Variants in PREX1 observed in about 807,000 individuals in gnomAD.
PREX1 encodes phosphatidylinositol-3,4,5-trisphosphate dependent Rac exchange factor 1.
PREX1 carries 41 observed loss-of-function variants against 198.3 expected under a neutral mutation model. That is an observed-to-expected ratio of 0.21 (90% confidence interval 0.16 to 0.27). PREX1 has a LOEUF of 0.27. Ranked by LOEUF, PREX1 falls within the 10% of genes least tolerant of loss-of-function variation. The probability of loss-of-function intolerance (pLI) is 1.00; values close to 1 mark genes in which losing one functional copy is unlikely to be tolerated. For synonymous variants in PREX1, 843 were observed against 887.2 expected, an observed-to-expected ratio of 0.95 and a Z score of 0.89; for missense variants, 1,620 against 2,200.7, an observed-to-expected ratio of 0.74 and a Z score of 5.28.
At chr20:48,788,216 C>G (rs1344030661) in intron 1 of PREX1, among the ~76,000 whole-genome samples, 1 of 152,152 alleles carries the variant, frequency 6.6e-6, no homozygotes, top group Non-Finnish European at 1.5e-5. Context: ...TGTCCTCGAG[C>G]CTTTTGCAGG....
chr20:48,634,150 G>A (rs1404781341), intron 33 of PREX1, among the ~76,000 whole-genome samples: 8 of 129,050 alleles, frequency 6.2e-5, no homozygotes, highest in African/African-American at 8.7e-5. Flanking sequence ...GTGGGTGGAT[G>A]GATGGATGGA....
intron 19 of PREX1, among the ~76,000 whole-genome samples, chr20:48,653,910 G>A (rs544251916): frequency 7.2e-5 from 11 of 152,360 alleles, no homozygotes; most frequent in African/African-American, 2.6e-4. Context: ...AGGCCTATGA[G>A]ACTCCAAGGG....
chr20:48,632,167 G>T, intron 35 of PREX1, 110 bp downstream of exon 35: 1 of 985,690 alleles, frequency 1.0e-6, no homozygotes, highest in Non-Finnish European at 1.6e-6. Flanking sequence ...AAGAAAGGGT[G>T]TGCGGCCCAC....
At position 48,684,395 on chromosome 20, in the gene PREX1, C is replaced by A. The variant is rs980836917; in HGVS notation, c.1335-3060G>T. Among the ~76,000 whole-genome samples the A allele has an allele frequency of 3.9e-5, 6 of 152,162 alleles. No homozygotes were observed. The highest frequency in any genetic ancestry group is 7.4e-5 in the Non-Finnish European group (5 of 68,016). ...TGACTCCACGGCTCAGGGATGCCTC[C>A]TGGAGATGACAATGTTGGACAAATC... On this transcript the variant is annotated intron_variant, in intron 10 of 39. Transcript: ENST00000371941. The surrounding 1 kb of genome is among the most constrained non-coding windows in gnomAD (Gnocchi z 4.2).
intron 5 of PREX1, 98 bp from the exon 6 acceptor site, chr20:48,708,519 C>A (rs1378372806): frequency 7.6e-7 from 1 of 1,318,090 alleles, no homozygotes; most frequent in Non-Finnish European, 1.1e-6. Context: ...ACAAAAACTC[C>A]TCGCCTGGTG....
chr20:48,849,107 A>G, the PREX1 span, among the ~76,000 whole-genome samples: 1 of 152,078 alleles, frequency 6.6e-6, no homozygotes, highest in East Asian at 1.9e-4. Context: ...AAAAAAAAAA[A>G]AGGAATGTTT....
upstream of PREX1, among the ~76,000 whole-genome samples, chr20:48,828,954 G>C (rs1052980474): frequency 2.0e-5 from 3 of 152,202 alleles, no homozygotes; most frequent in African/African-American, 7.2e-5. Context: ...CAGCTGCTCA[G>C]GTTCAAATCC....
At chr20:48,819,724 A>C (rs1174307884) in intron 1 of PREX1, among the ~76,000 whole-genome samples, 1 of 152,224 alleles carries the variant, frequency 6.6e-6, no homozygotes, top group African/African-American at 2.4e-5. Flanking sequence ...CCTTTTCTCA[A>C]GGGATTTCTT....
At position 48,645,218 on chromosome 20, in the gene PREX1, G is replaced by T. The variant is rs117663569; in HGVS notation, c.3512+633C>A. Among the ~76,000 whole-genome samples, 463 of 152,268 alleles carry T rather than the reference G, an allele frequency of 3.0e-3. 10 individuals are homozygous for T. In the East Asian group the frequency reaches 0.064, roughly 21 times the overall value. ...TCAAACTGTATCAGTTCTGATTTTT[G>T]CCCACAAACAGTTGAAGCACCCTCT... On this transcript the variant is annotated intron_variant, in intron 26 of 39. Coordinates refer to ENST00000371941, the MANE Select transcript of PREX1 (RefSeq NM_020820.4).
At chr20:48,824,876 C>T (rs1357922389) in intron 1 of PREX1, among the ~76,000 whole-genome samples, 1 of 152,066 alleles carries the variant, frequency 6.6e-6, no homozygotes, top group East Asian at 1.9e-4. Flanking sequence ...TTCCATGGGC[C>T]GATGGGACCT....
chr20:48,865,284 A>G, the PREX1 span, among the ~76,000 whole-genome samples: 4 of 152,198 alleles, frequency 2.6e-5, no homozygotes, highest in East Asian at 1.9e-4. Flanking sequence ...ATCTTCGCAC[A>G]TGTGTAAAAT....
chr20:48,688,284 T>G (rs2089796997), intron 10 of PREX1, among the ~76,000 whole-genome samples: 1 of 152,072 alleles, frequency 6.6e-6, no homozygotes, highest in Non-Finnish European at 1.5e-5. Flanking sequence ...CTTGCCAGCA[T>G]TAATTTTGAA....
In PREX1 at chr20:48,631,364, C is replaced by T. The variant is rs113334305; in HGVS notation, c.4527-570G>A. Among the ~76,000 whole-genome samples the T allele has an allele frequency of 6.4e-3, 972 of 152,322 alleles. 4 individuals carry two copies. Among genetic ancestry groups the T allele is most frequent in the Non-Finnish European group, 9.5e-3 (645 of 68,020 alleles). On this transcript the variant is annotated intron_variant, in intron 35 of 39. Coordinates refer to ENST00000371941, the MANE Select transcript of PREX1 (RefSeq NM_020820.4). ...GACAAGGAGGGCCAGATTTTGACAA[C>T]CCCTGCTCTAGAATATATGCTCCAT...
At chr20:48,857,933 G>A in the PREX1 span, among the ~76,000 whole-genome samples, 3 of 152,228 alleles carry the variant, frequency 2.0e-5, no homozygotes, top group Non-Finnish European at 4.4e-5. Context: ...GGTGGCAAAT[G>A]CAAAGGCCCT....
the PREX1 span, among the ~76,000 whole-genome samples, chr20:48,862,650 C>T: frequency 0.042 from 6,386 of 151,102 alleles, 205 homozygotes; most frequent in African/African-American, 0.086. Context: ...ACTCCTTGAA[C>T]TCTTTTACTA....
At chr20:48,681,140 A>G in intron 11 of PREX1, 95 bp downstream of exon 11, 3 of 1,070,720 alleles carry the variant, frequency 2.8e-6, no homozygotes, top group Non-Finnish European at 4.2e-6. Context: ...GCTGCACGAA[A>G]GGATAGGAGC....
At chr20:48,821,080 T>C (rs1425980866) in intron 1 of PREX1, among the ~76,000 whole-genome samples, 3 of 152,146 alleles carry the variant, frequency 2.0e-5, no homozygotes, top group Admixed American at 6.5e-5. Context: ...CACGTGCCTG[T>C]AGTCCCAGCT....
chr20:48,647,364 T>C (rs2089459289), intron 25 of PREX1, among the ~76,000 whole-genome samples: 2 of 151,282 alleles, frequency 1.3e-5, no homozygotes, highest in African/African-American at 4.9e-5. Context: ...CTACTAAAAA[T>C]ACAAAAATTA....
At chr20:48,681,535 G>A (rs1357817548) in intron 10 of PREX1, among the ~76,000 whole-genome samples, 200 bp from the exon 11 acceptor site, 1 of 152,172 alleles carries the variant, frequency 6.6e-6, no homozygotes, top group East Asian at 1.9e-4. Context: ...AGGAGAGTGT[G>A]ACCAGATTCC....
Sources: gnomAD v4.1 joint callset for allele counts (sites outside exome capture counted in the v4.1 genomes callset) on GRCh38, gnomAD v4.1.1 for gene constraint, Gnocchi (gnomAD v3.1) non-coding constraint, MANE v1.5 for transcripts, NCBI Gene and HGNC (gene_info 2026-07-23, HGNC 2026-07-21) for gene names.